Variants in ING4 observed in about 807,000 individuals in gnomAD.
ING4 encodes inhibitor of growth protein 4.
In ING4, 28 loss-of-function variants were observed where a neutral mutation model predicts 33.1. The observed-to-expected ratio is 0.85, with a 90% CI of 0.63 to 1.16. The LOEUF is 1.16. Ranked by LOEUF, ING4 falls within the 50% of genes most tolerant of loss-of-function variation. The pLI is 0.00. For synonymous variants in ING4, 87 were observed against 104.4 expected (o/e 0.83, Z 1.02); for missense variants, 247 against 314.7 (o/e 0.78, Z 1.63).
chr12:6,662,483 C>T (rs1949585494), intron 1 of ING4, among the ~76,000 whole-genome samples: 2 of 152,072 alleles, frequency 1.3e-5, no homozygotes, highest in Admixed American at 1.3e-4. Flanking sequence ...TAAATGACTC[C>T]GGGCCCTAAA....
At chr12:6,655,746 C>A in intron 2 of ING4, 1 of 454,288 alleles carries the variant, frequency 2.2e-6, no homozygotes, top group South Asian at 1.8e-5. Flanking sequence ...TATCTCAAAA[C>A]CAGTCTGTTA....
At chr12:6,651,456 T>C in intron 6 of ING4, 71 bp from the exon 7 acceptor site, 2 of 1,320,736 alleles carry the variant, frequency 1.5e-6, no homozygotes, top group Non-Finnish European at 2.2e-6. Context: ...CCCTCCAGAT[T>C]CCTTAGGAAC....
chr12:6,650,962 T>C lies in ING4; in HGVS notation c.*233A>G. On this transcript the variant is annotated 3_prime_UTR_variant, in exon 8 of 8. Transcript: ENST00000341550. ...AGGACAGTGGGCAAGACCACGTCCC[T>C]CCGAAGGGAGAGGGCTGAAGGAGAG... 1 of 590,248 alleles carries C rather than the reference T, an allele frequency of 1.7e-6. No homozygotes were observed. Among genetic ancestry groups the C allele is most frequent in the Non-Finnish European group, 3.0e-6 (1 of 329,130 alleles). The allele number at this position is 590,248 out of a possible 1,614,324, so 36.6% of individuals were successfully genotyped here.
chr12:6,655,319 C>T (rs1949320859), intron 2 of ING4, among the ~76,000 whole-genome samples: 1 of 152,234 alleles, frequency 6.6e-6, no homozygotes, highest in African/African-American at 2.4e-5. Flanking sequence ...GCTGGGATTA[C>T]AGGCGTAAGC....
At chr12:6,655,269 CCTT>C (rs1949319372) in intron 2 of ING4, among the ~76,000 whole-genome samples, 3 of 151,706 alleles carry the variant, frequency 2.0e-5, no homozygotes, top group East Asian at 1.9e-4. Context: ...ATCTCAAACT[CCTT>C]ATCTCAGGAG....
chr12:6,651,526 C>G, intron 6 of ING4, 141 bp from the exon 7 acceptor site: 1 of 677,926 alleles, frequency 1.5e-6, no homozygotes, highest in Non-Finnish European at 2.6e-6. Context: ...CCAACCAGTT[C>G]CCACCATCTT....
chr12:6,651,646 A>G (rs939390150), intron 6 of ING4, among the ~76,000 whole-genome samples: 4 of 152,098 alleles, frequency 2.6e-5, no homozygotes, highest in African/African-American at 9.7e-5. Context: ...AGTTCAAGCT[A>G]TTCTCCTGCC....
intron 1 of ING4, among the ~76,000 whole-genome samples, chr12:6,662,815 C>A (rs1271586519): frequency 6.6e-6 from 1 of 152,102 alleles, no homozygotes. Context: ...TCTTCCTGGC[C>A]ATGCACACTA....
chr12:6,656,848 C>T (rs754751153), intron 1 of ING4, 50 bp from the exon 2 acceptor site: 6 of 1,179,244 alleles, frequency 5.1e-6, no homozygotes, highest in Non-Finnish European at 7.2e-6. Flanking sequence ...ATAGGCCTTA[C>T]AGCTCCTTTT....
In ING4 at chr12:6,653,290, A is replaced by C; in HGVS notation, c.216T>G (p.Tyr72Ter). 1 of 1,614,162 alleles carries C rather than the reference A, an allele frequency of 6.2e-7. No individual in the cohort carries two copies. Among genetic ancestry groups the C allele is most frequent in the Non-Finnish European group, 8.5e-7 (1 of 1,180,046 alleles). The part of the protein sequence containing the change: ...LALLKQIQEA[Y>*]GKCKEFGDDK... Reference sequence around the variant, plus strand: ...CGTCACCAAATTCCTTGCACTTGCCATAGGCTTCCTGGATCTGTTTGAGAA... The same window carrying C: ...CGTCACCAAATTCCTTGCACTTGCCCTAGGCTTCCTGGATCTGTTTGAGAA... The change falls in exon 3 of 8, where the codon TAT (tyrosine) becomes TAG (stop). Residue 72 changes from tyrosine to a stop codon, truncating the protein, a stop_gained. Transcript: ENST00000341550. LOFTEE classifies it high-confidence loss of function.
chr12:6,657,349 T>C (rs991267607), intron 1 of ING4, among the ~76,000 whole-genome samples: 2 of 152,138 alleles, frequency 1.3e-5, no homozygotes, highest in African/African-American at 4.8e-5. Context: ...CTCAGGAGGC[T>C]GAGGCAGGAG....
At position 6,663,094 on chromosome 12, in the gene ING4, G is replaced by A. The variant is rs1949611792; in HGVS notation, c.8C>T (p.Ala3Val). 1 of 1,613,942 alleles carries A rather than the reference G, an allele frequency of 6.2e-7. No homozygotes were observed. The highest frequency in any genetic ancestry group is 8.5e-7 in the Non-Finnish European group (1 of 1,179,980). The change falls in exon 1 of 8, where the codon GCG becomes GTG. Residue 3 changes from alanine to valine, a missense_variant. By Grantham distance (64) the Ala-to-Val change is moderately conservative. Coordinates refer to ENST00000341550, the MANE Select transcript of ING4 (RefSeq NM_016162.4). ...CAGATAATGTTCCAAATACATCCCC[G>A]CAGCCATCTCGAAGCAAAACAAAGC... Reference protein sequence around the residue: MAAGMYLEHYLDS... With the variant: MAVGMYLEHYLDS...
Position 6,656,167 on chromosome 12 carries a change from T to C in ING4, c.109+560A>G, listed in dbSNP as rs149962987. On this transcript the variant is annotated intron_variant, in intron 2 of 7. Coordinates refer to ENST00000341550, the MANE Select transcript of ING4 (RefSeq NM_016162.4). Reference sequence around the variant, plus strand: ...ATGACTCGAGTTGACTTTCTTTAATTCTTCTTTTTTTTTTTTTTTGAGACA... The same window carrying C: ...ATGACTCGAGTTGACTTTCTTTAATCCTTCTTTTTTTTTTTTTTTGAGACA... 3.9e-4 allele frequency among the ~76,000 whole-genome samples: 57 copies of C among 147,342 alleles called. No individual in the cohort carries two copies. In the East Asian group the frequency reaches 8.9e-3, roughly 23 times the overall value.
intron 4 of ING4, 43 bp from the exon 5 acceptor site, chr12:6,652,810 A>G: frequency 4.4e-6 from 7 of 1,592,902 alleles, no homozygotes; most frequent in Non-Finnish European, 6.0e-6. Flanking sequence ...GGGAGACAGA[A>G]AGATGGGTTA....
chr12:6,655,734 T>A (rs1358362426), intron 2 of ING4: 10 of 493,798 alleles, frequency 2.0e-5, no homozygotes, highest in Non-Finnish European at 3.4e-5. Flanking sequence ...CACAGCTTCA[T>A]GTATCTCAAA....
chr12:6,653,224 C>T lies in ING4; in HGVS notation c.276+6G>A. On this transcript the variant is annotated splice_donor_region_variant and intron_variant, in intron 3 of 7. Transcript: ENST00000341550. ...AGTAGGTGGGGAGCCATGAACAGGGCCATACCATCTCATAGGTCTGCATGG... is the reference window on the plus strand; with the variant it reads ...AGTAGGTGGGGAGCCATGAACAGGGTCATACCATCTCATAGGTCTGCATGG... The T allele has an allele frequency of 6.2e-7, 1 of 1,613,798 alleles. No homozygotes were observed. The highest frequency in any genetic ancestry group is 8.5e-7 in the Non-Finnish European group (1 of 1,179,836).
chr12:6,656,695 T>A (rs754590745), intron 2 of ING4, 32 bp downstream of exon 2: 23 of 1,232,494 alleles, frequency 1.9e-5, no homozygotes, highest in Non-Finnish European at 2.4e-5. Context: ...CACACACTCA[T>A]TAGATACAAA....
Position 6,652,765 on chromosome 12 carries a change from G to A in ING4, c.394C>T (p.Arg132Trp), listed in dbSNP as rs781289916. ...GCAGCTTTCTTCTCCTTTTGAGTCC[G>A]GCCTTCTAGGGAAGAGGGAGAAAGC... ...DSSSSKGKKSRTQKEKKAARA... is the reference protein window; with the variant it reads ...DSSSSKGKKSWTQKEKKAARA... The change falls in exon 5 of 8, where the codon CGG (arginine) becomes TGG (tryptophan). Residue 132 changes from arginine to tryptophan, a missense_variant and splice_region_variant. Arg to Trp is a moderately radical substitution (Grantham distance 101, BLOSUM62 -3). Coordinates refer to ENST00000341550, the MANE Select transcript of ING4 (RefSeq NM_016162.4). 7 of 1,613,768 alleles carry A rather than the reference G, an allele frequency of 4.3e-6. No individual in the cohort carries two copies. Among genetic ancestry groups the A allele is most frequent in the East Asian group, 2.2e-5 (1 of 44,882 alleles).
In ING4 at chr12:6,653,261, T is replaced by C; in HGVS notation, c.245A>G (p.Lys82Arg). The C allele has an allele frequency of 6.2e-7, 1 of 1,614,212 alleles. No individual in the cohort carries two copies. Among genetic ancestry groups the C allele is most frequent in the Non-Finnish European group, 8.5e-7 (1 of 1,180,040 alleles). The change falls in exon 3 of 8, where the codon AAG becomes AGG. Residue 82 changes from lysine (K) to arginine (R), a missense_variant. Physicochemically the swap from Lys to Arg is conservative, Grantham distance 26. Transcript: ENST00000341550. ...YGKCKEFGDDKVQLAMQTYEM... is the reference protein window; with the variant it reads ...YGKCKEFGDDRVQLAMQTYEM... ...ATAGGTCTGCATGGCAAGCTGCACC[T>C]TGTCGTCACCAAATTCCTTGCACTT...
Sources: gnomAD v4.1 joint callset for allele counts (sites outside exome capture counted in the v4.1 genomes callset) on GRCh38, gnomAD v4.1.1 for gene constraint, MANE v1.5 for transcripts, NCBI Gene and HGNC (gene_info 2026-07-23, HGNC 2026-07-21) for gene names.